LDLRAD3: variants seen among roughly 807,000 people sequenced by gnomAD.
LDLRAD3 encodes low density lipoprotein receptor class A domain containing 3.
In LDLRAD3, 20 loss-of-function variants were observed where a neutral mutation model predicts 29.4. The observed-to-expected ratio is 0.68, with a 90% CI of 0.48 to 0.99. The LOEUF (loss-of-function observed/expected upper bound fraction) is 0.99. LDLRAD3 is among the 50% of genes least tolerant of loss of function. The probability of loss-of-function intolerance (pLI) is 0.00; values close to 1 mark genes in which losing one functional copy is unlikely to be tolerated. For synonymous variants in LDLRAD3, 157 were observed against 192.7 expected (o/e 0.81, Z 1.53); for missense variants, 420 against 454.3 (o/e 0.92, Z 0.69).
intron 4 of LDLRAD3, among the ~76,000 whole-genome samples, chr11:36,124,040 A>G (rs908079997): frequency 1.3e-5 from 2 of 152,264 alleles, no homozygotes; most frequent in Admixed American, 6.5e-5. Flanking sequence ...ATAAGATGTC[A>G]GGGAATGCTT....
chr11:35,999,495 T>G (rs1448518975), intron 1 of LDLRAD3, among the ~76,000 whole-genome samples: 1 of 152,204 alleles, frequency 6.6e-6, no homozygotes, highest in Non-Finnish European at 1.5e-5. Context: ...TCTCTCCTGC[T>G]GCCTGCAGAT....
rs865990768 is a variant in LDLRAD3, at chr11:36,032,739, A to G, written c.47-3364A>G. On this transcript the variant is annotated intron_variant, in intron 1 of 5. Coordinates refer to ENST00000315571, the MANE Select transcript of LDLRAD3 (RefSeq NM_174902.4). Reference sequence around the variant, plus strand: ...CAAAATTGATCCCTGTTGAAAACCCATGGTTGAAAAGGGCAAGAGATAATG... The same window carrying G: ...CAAAATTGATCCCTGTTGAAAACCCGTGGTTGAAAAGGGCAAGAGATAATG... 1.6e-4 allele frequency among the ~76,000 whole-genome samples: 24 copies of G among 152,292 alleles called. 1 individual carries two copies. The highest frequency in any genetic ancestry group is 1.2e-3 in the Admixed American group (19 of 15,300).
At chr11:36,135,139 G>C (rs1198656729) in intron 4 of LDLRAD3, among the ~76,000 whole-genome samples, 1 of 152,324 alleles carries the variant, frequency 6.6e-6, no homozygotes, top group East Asian at 1.9e-4. Context: ...TCAGCCTGGA[G>C]ATGCAGCCTC....
rs1167366408 is a variant in LDLRAD3 at position 36,020,253 on chromosome 11, AAAT to A, written c.47-15842_47-15840del. 2.6e-5 allele frequency among the ~76,000 whole-genome samples: 4 copies of A among 152,200 alleles called. No homozygotes were observed. The East Asian group carries it at 7.7e-4, about 29-fold the overall frequency. ...GGGTCCATAGCCTTCTCAGGAAAGA[AAAT>A]AATAATATGAATAAAAAATAATATG... is the stretch of plus-strand genomic sequence containing the variant. On this transcript the variant is annotated intron_variant, in intron 1 of 5. Coordinates refer to ENST00000315571, the MANE Select transcript of LDLRAD3 (RefSeq NM_174902.4).
chr11:36,067,372 T>A (rs1403542763), intron 2 of LDLRAD3, among the ~76,000 whole-genome samples: 1 of 152,068 alleles, frequency 6.6e-6, no homozygotes, highest in African/African-American at 2.4e-5. Context: ...TTATATTTTA[T>A]AATACTATAT....
chr11:35,950,747 T>C (rs2133124671), intron 1 of LDLRAD3, among the ~76,000 whole-genome samples: 1 of 152,278 alleles, frequency 6.6e-6, no homozygotes, highest in Non-Finnish European at 1.5e-5. Flanking sequence ...ACTGTACGTG[T>C]CTTATTTTGT....
Position 36,100,333 on chromosome 11 carries a change from A to G in LDLRAD3, c.454+1872A>G, listed in dbSNP as rs181648770. On this transcript the variant is annotated intron_variant, in intron 4 of 5. Transcript: ENST00000315571. ...AATTTTTATAAAACCAAACATGCCA[A>G]TGTCTTGCCAGTGATGGACACCAAA... Among the ~76,000 whole-genome samples, 23 of 152,334 alleles carry G rather than the reference A, an allele frequency of 1.5e-4. No homozygotes were observed. In the East Asian group the frequency reaches 4.2e-3, roughly 28 times the overall value.
intron 4 of LDLRAD3, among the ~76,000 whole-genome samples, chr11:36,173,577 A>G (rs2133350544): frequency 6.6e-6 from 1 of 152,074 alleles, no homozygotes; most frequent in East Asian, 1.9e-4. Context: ...TTCTTAATCC[A>G]GTCTATCATT....
intron 4 of LDLRAD3, among the ~76,000 whole-genome samples, chr11:36,164,901 T>C (rs1208050501): frequency 6.6e-6 from 1 of 152,236 alleles, no homozygotes; most frequent in Non-Finnish European, 1.5e-5. Context: ...GAGATATCTT[T>C]TAGAATTTTA....
intron 1 of LDLRAD3, among the ~76,000 whole-genome samples, chr11:35,998,933 A>G (rs1019521654): frequency 2.0e-5 from 3 of 152,182 alleles, no homozygotes; most frequent in Non-Finnish European, 4.4e-5. Context: ...GTTCAGGCAG[A>G]TGCATTTGTT....
At chr11:36,212,699 C>A (rs1186171148) in intron 4 of LDLRAD3, among the ~76,000 whole-genome samples, 1 of 152,178 alleles carries the variant, frequency 6.6e-6, no homozygotes, top group African/African-American at 2.4e-5. Flanking sequence ...CCTTCCTCAT[C>A]AGACACAGAG....
rs898557156 is a variant in LDLRAD3 at position 36,175,626 on chromosome 11, C to T, written c.455-51459C>T. ...ATGTATTTGCATGGTTTTAAGGGTTCCTTTTGGAGTCAATTTCCAATTTTA... is the reference window on the plus strand; with the variant it reads ...ATGTATTTGCATGGTTTTAAGGGTTTCTTTTGGAGTCAATTTCCAATTTTA... On this transcript the variant is annotated intron_variant, in intron 4 of 5. Transcript: ENST00000315571. Among the ~76,000 whole-genome samples, 27 of 152,066 alleles carry T rather than the reference C, an allele frequency of 1.8e-4. 1 individual carries two copies. The highest frequency in any genetic ancestry group is 6.5e-5 in the Admixed American group (1 of 15,268).
intron 1 of LDLRAD3, among the ~76,000 whole-genome samples, chr11:36,018,703 C>A (rs1319227806): frequency 1.3e-5 from 2 of 152,150 alleles, no homozygotes; most frequent in African/African-American, 4.8e-5. Flanking sequence ...ATTTATACTC[C>A]CACCAGTAGG....
intron 1 of LDLRAD3, among the ~76,000 whole-genome samples, chr11:35,994,430 A>G (rs1272915830): frequency 6.6e-6 from 1 of 151,584 alleles, no homozygotes; most frequent in Non-Finnish European, 1.5e-5. Flanking sequence ...AAAAAAGTAT[A>G]TACCTTAATT....
intron 2 of LDLRAD3, among the ~76,000 whole-genome samples, chr11:36,036,527 G>A (rs1241342015): frequency 6.6e-6 from 1 of 152,114 alleles, no homozygotes; most frequent in East Asian, 1.9e-4. Context: ...TCCCATCCTT[G>A]CCTTCGCTTT....
chr11:36,110,533 G>A (rs917527190), intron 4 of LDLRAD3, among the ~76,000 whole-genome samples: 4 of 152,184 alleles, frequency 2.6e-5, no homozygotes, highest in Non-Finnish European at 5.9e-5. Context: ...GTGTTGTGCT[G>A]CTTGATTGTA....
At position 35,960,936 on chromosome 11, in the gene LDLRAD3, G is replaced by C. The variant is rs1319310928; in HGVS notation, c.46+16792G>C. ...GCCTGCCCCTGATGACTGGTCAGGG[G>C]AGTGGTGGGCTGTGGCCAGGCCTGT... On this transcript the variant is annotated intron_variant, in intron 1 of 5. Transcript: ENST00000315571. 2.0e-5 allele frequency among the ~76,000 whole-genome samples: 3 copies of C among 152,318 alleles called. No individual in the cohort carries two copies. The East Asian group carries it at 5.8e-4, about 29-fold the overall frequency.
intron 1 of LDLRAD3, among the ~76,000 whole-genome samples, chr11:35,995,551 T>C (rs1436222399): frequency 6.6e-6 from 1 of 152,256 alleles, no homozygotes; most frequent in Non-Finnish European, 1.5e-5. Context: ...AGTCACCAGC[T>C]GCATTAGCTC....
intron 1 of LDLRAD3, among the ~76,000 whole-genome samples, chr11:35,987,583 C>A (rs1375912027): frequency 6.6e-6 from 1 of 152,148 alleles, no homozygotes; most frequent in Non-Finnish European, 1.5e-5. Flanking sequence ...CTGCAGAGGA[C>A]AAGATTTTGT....
Sources: allele counts gnomAD v4.1 joint callset (sites outside exome capture counted in the v4.1 genomes callset), GRCh38; gene constraint gnomAD v4.1.1; transcripts MANE v1.5; gene names NCBI Gene and HGNC (gene_info 2026-07-23, HGNC 2026-07-21).